The following AFG3L2 variants were observed in gnomAD, a reference collection of about 807,000 sequenced individuals.
The protein encoded by AFG3L2 is mitochondrial inner membrane m-AAA protease component AFG3L2.
Under a neutral mutation model 94.5 loss-of-function variants are expected in AFG3L2, and 54 were observed. The observed-to-expected ratio is 0.57, with a 90% CI of 0.46 to 0.72. The LOEUF (loss-of-function observed/expected upper bound fraction) is 0.72. AFG3L2 is among the 30% of genes least tolerant of loss of function. AFG3L2 has a pLI of 0.00. For synonymous variants in AFG3L2, 377 were observed against 365.5 expected (o/e 1.03, Z -0.36); for missense variants, 754 against 994.9 (o/e 0.76, Z 3.26).
chr18:12,363,984 C>T lies in AFG3L2; in HGVS notation c.553-128G>A, dbSNP rs982915148. The T allele has an allele frequency of 3.3e-5, 24 of 738,426 alleles. No homozygotes were observed. In the African/African-American group the frequency reaches 3.9e-4, roughly 12 times the overall value. The allele number at this position is 738,426 out of a possible 1,614,324, so 45.7% of individuals were successfully genotyped here. The stretch of plus-strand genomic sequence containing the variant: ...AAGAATAAAGAATCAGATAAAGATG[C>T]CCCCATGTTCCCCCCTATAATTCTG... On this transcript the variant is annotated intron_variant, in intron 5 of 16. Coordinates refer to ENST00000269143, the MANE Select transcript of AFG3L2 (RefSeq NM_006796.3).
At chr18:12,373,491 G>C (rs958040344) in intron 1 of AFG3L2, among the ~76,000 whole-genome samples, 1 of 152,196 alleles carries the variant, frequency 6.6e-6, no homozygotes, top group Non-Finnish European at 1.5e-5. Context: ...AAAGCTCTGA[G>C]TACAGGGAAC....
At chr18:12,344,673 CAA>C (rs758378860) in intron 13 of AFG3L2, among the ~76,000 whole-genome samples, 4 of 110,814 alleles carry the variant, frequency 3.6e-5, no homozygotes, top group African/African-American at 6.8e-5. Context: ...GAATCCGTCT[CAA>C]AAAAAAAAAA....
chr18:12,367,175 C>T (rs1286864554), intron 4 of AFG3L2, 58 bp from the exon 5 acceptor site: 1 of 1,612,834 alleles, frequency 6.2e-7, no homozygotes, highest in Non-Finnish European at 8.5e-7. Context: ...ACGATCTATG[C>T]TCTGTGAGAC....
chr18:12,368,191 TA>T (rs1269737916), intron 3 of AFG3L2, among the ~76,000 whole-genome samples: 1 of 144,566 alleles, frequency 6.9e-6, no homozygotes, highest in Admixed American at 6.9e-5. Context: ...AAATAAAAAA[TA>T]AAAAAATAAA....
At chr18:12,358,344 G>A (rs1908556908) in intron 8 of AFG3L2, among the ~76,000 whole-genome samples, 1 of 152,240 alleles carries the variant, frequency 6.6e-6, no homozygotes, top group Admixed American at 6.5e-5. Flanking sequence ...ACAGCAGAGT[G>A]TGACATTGTC....
intron 2 of AFG3L2, among the ~76,000 whole-genome samples, chr18:12,371,270 C>T (rs1438749043): frequency 6.7e-6 from 1 of 148,168 alleles, no homozygotes; most frequent in African/African-American, 2.5e-5. Flanking sequence ...GCCAAGATCG[C>T]ACTAGTGCAC....
At chr18:12,376,315 T>C (rs1286997694) in intron 1 of AFG3L2, among the ~76,000 whole-genome samples, 1 of 152,208 alleles carries the variant, frequency 6.6e-6, no homozygotes, top group Non-Finnish European at 1.5e-5. Flanking sequence ...TTGAGACTGA[T>C]CACGGCCATG....
chr18:12,346,546 A>G (rs1908142630), intron 13 of AFG3L2, among the ~76,000 whole-genome samples: 1 of 152,062 alleles, frequency 6.6e-6, no homozygotes, highest in Non-Finnish European at 1.5e-5. Flanking sequence ...TGATGACTGC[A>G]AGGTTCTCTG....
chr18:12,343,714 G>A (rs1289324395), intron 14 of AFG3L2: 4 of 224,770 alleles, frequency 1.8e-5, no homozygotes, highest in Admixed American at 1.0e-4. Flanking sequence ...TCTTGCTTCT[G>A]GGATTTTCCT....
rs376812334 is a variant in AFG3L2 at position 12,348,399 on chromosome 18, A to G, written c.1553-16T>C. 31 of 1,606,760 alleles carry G rather than the reference A, an allele frequency of 1.9e-5. No individual in the cohort carries two copies. Among genetic ancestry groups the G allele is most frequent in the Middle Eastern group, 1.6e-4 (1 of 6,066 alleles). On this transcript the variant is annotated splice_polypyrimidine_tract_variant and intron_variant, in intron 12 of 16. Transcript: ENST00000269143. ...ACATCAGCACCTAAAAAATGAACAC[A>G]GAACAGCTTACCCACCGAAATACGC...
intron 5 of AFG3L2, among the ~76,000 whole-genome samples, chr18:12,366,313 T>A (rs1220620746): frequency 1.3e-5 from 2 of 152,254 alleles, no homozygotes; most frequent in Non-Finnish European, 2.9e-5. Flanking sequence ...ACCATGTGTC[T>A]TACAATCAAT....
chr18:12,352,862 G>T, intron 10 of AFG3L2, 143 bp downstream of exon 10: 1 of 1,121,108 alleles, frequency 8.9e-7, no homozygotes, highest in Non-Finnish European at 1.3e-6. Context: ...GACTGAGGCA[G>T]GAGGATCGCT....
chr18:12,343,817 T>C (rs2143138674), intron 14 of AFG3L2: 1 of 437,744 alleles, frequency 2.3e-6, no homozygotes, highest in South Asian at 2.2e-5. Flanking sequence ...AGTGTGGAGA[T>C]TATGAAAAAC....
intron 2 of AFG3L2, among the ~76,000 whole-genome samples, chr18:12,371,298 G>C (rs1435645293): frequency 6.9e-6 from 1 of 143,944 alleles, no homozygotes; most frequent in African/African-American, 2.6e-5. Flanking sequence ...TGGGCGACAA[G>C]AGCCAAACTC....
chr18:12,344,086 C>T (rs771385439), intron 14 of AFG3L2, 46 bp downstream of exon 14: 1 of 1,505,814 alleles, frequency 6.6e-7, no homozygotes, highest in Admixed American at 1.7e-5. Flanking sequence ...CAGCGAGCAT[C>T]TGCTCACCCA....
At chr18:12,346,504 CCT>C (rs928438236) in intron 13 of AFG3L2, among the ~76,000 whole-genome samples, 66 of 152,290 alleles carry the variant, frequency 4.3e-4, no homozygotes, top group East Asian at 9.6e-4. Context: ...GGTGCTCCCC[CCT>C]GATAAGCTGT....
At chr18:12,331,767 C>A (rs1907531828) in intron 16 of AFG3L2, among the ~76,000 whole-genome samples, 1 of 148,354 alleles carries the variant, frequency 6.7e-6, no homozygotes, top group South Asian at 2.1e-4. Flanking sequence ...GCACTCCAGC[C>A]TGGGCAACAG....
chr18:12,349,010 A>G (rs1908230136), intron 12 of AFG3L2, among the ~76,000 whole-genome samples: 2 of 152,262 alleles, frequency 1.3e-5, no homozygotes, highest in Non-Finnish European at 2.9e-5. Flanking sequence ...CTGGAACAAG[A>G]TGATCATCTT....
intron 16 of AFG3L2, 79 bp from the exon 17 acceptor site, chr18:12,329,862 G>A: frequency 7.9e-7 from 1 of 1,260,994 alleles, no homozygotes; most frequent in Non-Finnish European, 1.1e-6. Context: ...ATTTACAGGT[G>A]ACCCCATTCC....
Sources: allele counts gnomAD v4.1 joint callset (sites outside exome capture counted in the v4.1 genomes callset), GRCh38; gene constraint gnomAD v4.1.1; transcripts MANE v1.5; gene names NCBI Gene and HGNC (gene_info 2026-07-23, HGNC 2026-07-21).